Variants in TREM1 observed in about 807,000 individuals in gnomAD.
TREM1 encodes triggering receptor expressed on monocytes 1.
A neutral mutation model predicts 22.4 loss-of-function variants in TREM1; 16 were observed. That is an observed-to-expected ratio of 0.71 (90% CI 0.48 to 1.08). The LOEUF is 1.08. Ranked by LOEUF, TREM1 falls within the 50% of genes least tolerant of loss-of-function variation. TREM1 has a pLI of 0.00. For missense variants in TREM1, 283 were observed against 282.9 expected, an observed-to-expected ratio of 1.00 and a Z score of 0.00; for synonymous variants, 110 against 111.6, an observed-to-expected ratio of 0.99 and a Z score of 0.09.
At chr6:41,276,551 C>T (rs547683624) in intron 3 of TREM1, among the ~76,000 whole-genome samples, 12 of 152,228 alleles carry the variant, frequency 7.9e-5, no homozygotes, top group South Asian at 6.2e-4. Context: ...TTCTCAGTAC[C>T]GTACCCTGCC....
chr6:41,270,850 C>T (rs1057145588), downstream of TREM1, among the ~76,000 whole-genome samples: 1 of 152,156 alleles, frequency 6.6e-6, no homozygotes, highest in Admixed American at 6.5e-5. Context: ...GGACTACAGG[C>T]GTGTGCCACC....
In TREM1 at chr6:41,274,073, C is replaced by T. The variant is rs1347007701; in HGVS notation, c.*2052G>A. ...TTCCGATTTAGTGCATATAATATTTCAGTCACGTTTAATATGTTGGACTTA... is the reference window on the plus strand; with the variant it reads ...TTCCGATTTAGTGCATATAATATTTTAGTCACGTTTAATATGTTGGACTTA... On this transcript the variant is annotated 3_prime_UTR_variant, in exon 4 of 4. Transcript: ENST00000244709. 6.6e-6 allele frequency among the ~76,000 whole-genome samples: 1 copy of T among 152,220 alleles called. No individual in the cohort carries two copies. The highest frequency in any genetic ancestry group is 2.4e-5 in the African/African-American group (1 of 41,462).
chr6:41,286,158 C>T (rs1345525051), intron 1 of TREM1, among the ~76,000 whole-genome samples: 3 of 152,210 alleles, frequency 2.0e-5, no homozygotes, highest in South Asian at 2.1e-4. Context: ...CTTCTGGTCA[C>T]GTCTGTGTCC....
At chr6:41,268,686 G>A (rs75732077), downstream of TREM1, among the ~76,000 whole-genome samples, 6,937 of 152,244 alleles carry the variant, frequency 0.046, 515 homozygotes, top group African/African-American at 0.15. Context: ...TATGATCAAG[G>A]CAGAGAGGGA....
rs149894893 is a variant in TREM1, at chr6:41,268,431, C to G, written c.600-343G>C. 1.9e-4 allele frequency among the ~76,000 whole-genome samples: 29 copies of G among 152,298 alleles called. No homozygotes were observed. The East Asian group carries it at 5.2e-3, about 27-fold the overall frequency. ...ACCATTTCTCTTGTCTTTTTTAAGA[C>G]TTAAATTAAAGAACTGGGCAGAACT... On this transcript the variant is annotated intron_variant, in intron 3 of 3. Transcript: ENST00000589614.
intron 1 of TREM1, among the ~76,000 whole-genome samples, chr6:41,283,821 C>T (rs1768039664): frequency 1.3e-5 from 2 of 152,108 alleles, no homozygotes; most frequent in South Asian, 4.2e-4. Context: ...TCAGAGTCCT[C>T]CCTGAGACTG....
intron 3 of TREM1, 194 bp downstream of exon 3, chr6:41,280,767 C>T: frequency 1.4e-6 from 2 of 1,450,620 alleles, no homozygotes; most frequent in Non-Finnish European, 9.0e-7. Flanking sequence ...GAAGGACAGC[C>T]TGGCTGAGAG....
rs1449494424 is a variant in TREM1 at position 41,274,509 on chromosome 6, G to A, written c.*1616C>T. ...CAAGCTCAGCATTATTATAAACACT[G>A]CATCCTGTACAGTCACTGCCTCTGA... On this transcript the variant is annotated 3_prime_UTR_variant, in exon 4 of 4. Coordinates refer to ENST00000244709, the MANE Select transcript of TREM1 (RefSeq NM_018643.5). Among the ~76,000 whole-genome samples the A allele has an allele frequency of 6.6e-6, 1 of 152,086 alleles. No homozygotes were observed. The highest frequency in any genetic ancestry group is 1.5e-5 in the Non-Finnish European group (1 of 68,026).
chr6:41,273,196 C>A (rs1767534560), downstream of TREM1, among the ~76,000 whole-genome samples: 1 of 152,184 alleles, frequency 6.6e-6, no homozygotes, highest in African/African-American at 2.4e-5. Flanking sequence ...CCTCCAGTAT[C>A]CAGGGCAGTG....
intron 3 of TREM1, chr6:41,279,449 TA>T: frequency 1.1e-6 from 1 of 909,304 alleles, no homozygotes; most frequent in Non-Finnish European, 1.3e-6. Flanking sequence ...CTCCTTCCGG[TA>T]AAAGTAAGAA....
At chr6:41,286,467 T>C in intron 1 of TREM1, 140 bp downstream of exon 1, 1 of 762,414 alleles carries the variant, frequency 1.3e-6, no homozygotes. Flanking sequence ...CTCCCAATTC[T>C]GGGTAGAGCA....
At chr6:41,283,719 A>AAACACACAC (rs1554147927) in intron 1 of TREM1, among the ~76,000 whole-genome samples, 37 of 147,034 alleles carry the variant, frequency 2.5e-4, no homozygotes, top group African/African-American at 8.6e-4. Context: ...TAAAAAAAAA[A>AAACACACAC]ACACACACAC....
At chr6:41,281,204 G>T in intron 2 of TREM1, 51 bp from the exon 3 acceptor site, 1 of 1,583,246 alleles carries the variant, frequency 6.3e-7, no homozygotes, top group South Asian at 1.1e-5. Context: ...TGATGAATGG[G>T]TGGATGGGTG....
rs537750646 is a variant in TREM1, at chr6:41,274,170, G to A, written c.*1955C>T. Among the ~76,000 whole-genome samples the A allele has an allele frequency of 6.6e-6, 1 of 152,334 alleles. No individual in the cohort carries two copies. The highest frequency in any genetic ancestry group is 2.4e-5 in the African/African-American group (1 of 41,568). On this transcript the variant is annotated 3_prime_UTR_variant, in exon 4 of 4. Transcript: ENST00000244709. ...ACCATGCAGTGGGTTATGTCTGGAT[G>A]AATCTGTATGAATGTGTCATGGGCT... is the stretch of plus-strand genomic sequence containing the variant.
At chr6:41,279,612 GCACTGC>G (rs1767820558) in intron 3 of TREM1, 1 of 985,244 alleles carries the variant, frequency 1.0e-6, no homozygotes, top group Admixed American at 6.1e-5. Flanking sequence ...GGGGAAAAAG[GCACTGC>G]CACTACCCAT....
intron 3 of TREM1, among the ~76,000 whole-genome samples, chr6:41,276,487 C>A (rs1336564564): frequency 6.6e-6 from 1 of 152,142 alleles, no homozygotes; most frequent in Non-Finnish European, 1.5e-5. Flanking sequence ...AGCCCATCCT[C>A]CTCCCTGTGA....
downstream of TREM1, among the ~76,000 whole-genome samples, chr6:41,271,923 C>A (rs914464245): frequency 3.9e-5 from 6 of 152,182 alleles, no homozygotes; most frequent in African/African-American, 1.4e-4. Flanking sequence ...ACTCTCCTTA[C>A]CTGCAGCAGC....
intron 2 of TREM1, 35 bp downstream of exon 2, chr6:41,282,360 G>T: frequency 6.5e-7 from 1 of 1,530,088 alleles, no homozygotes; most frequent in Non-Finnish European, 8.9e-7. Flanking sequence ...TTCCTCACCT[G>T]GCCCTTCTTT....
At chr6:41,285,497 A>G (rs1033995855) in intron 1 of TREM1, among the ~76,000 whole-genome samples, 1 of 152,210 alleles carries the variant, frequency 6.6e-6, no homozygotes, top group Non-Finnish European at 1.5e-5. Context: ...GGTTCCACCT[A>G]AAGCACTGAG....
Sources: gnomAD v4.1 joint callset for allele counts (sites outside exome capture counted in the v4.1 genomes callset) on GRCh38, gnomAD v4.1.1 for gene constraint, MANE v1.5 for transcripts, NCBI Gene and HGNC (gene_info 2026-07-23, HGNC 2026-07-21) for gene names.